Variants in HDAC9 observed in about 807,000 individuals in gnomAD.
HDAC9 encodes MEF-2 interacting transcription repressor (MITR) protein.
In HDAC9, 41 loss-of-function variants were observed where a neutral mutation model predicts 139.4. The observed-to-expected ratio is 0.29, with a 90% confidence interval of 0.23 to 0.38. The LOEUF (loss-of-function observed/expected upper bound fraction) is 0.38. Among genes scored for constraint, HDAC9 ranks in the 10% least tolerant of loss-of-function variants. The pLI is 1.00. For missense variants in HDAC9, 1,147 were observed against 1,297.0 expected (o/e 0.88, Z 1.78); for synonymous variants, 517 against 476.2 (o/e 1.09, Z -1.12).
chr7:18,641,533 A>G (rs1163345461), intron 8 of HDAC9, among the ~76,000 whole-genome samples: 1 of 152,258 alleles, frequency 6.6e-6, no homozygotes, highest in East Asian at 1.9e-4. Context: ...TGAAGGTTAA[A>G]CAATAGCCAT....
chr7:18,743,016 T>C (rs962551203), intron 13 of HDAC9, among the ~76,000 whole-genome samples: 6 of 152,230 alleles, frequency 3.9e-5, no homozygotes, highest in Admixed American at 1.3e-4. Context: ...TCATGTTCAC[T>C]GAACGAAGCA....
chr7:18,554,387 G>A (rs1353584219), intron 2 of HDAC9, among the ~76,000 whole-genome samples: 3 of 127,708 alleles, frequency 2.3e-5, no homozygotes, highest in Admixed American at 9.7e-5. Context: ...CCAGGCTGGC[G>A]TGCAGTGGCG....
chr7:18,300,505 GTC>G (rs1483132406), intron 1 of HDAC9, among the ~76,000 whole-genome samples: 1 of 151,406 alleles, frequency 6.6e-6, no homozygotes, highest in Non-Finnish European at 1.5e-5. Context: ...ATAATGCCTA[GTC>G]TCTGCATATA....
At chr7:18,238,621 G>T (rs1793984106) in intron 2 of HDAC9, among the ~76,000 whole-genome samples, 3 of 152,150 alleles carry the variant, frequency 2.0e-5, no homozygotes, top group Admixed American at 2.0e-4. Flanking sequence ...TTTAGATTCA[G>T]TCATCTTCAC....
chr7:18,843,266 C>A (rs1466147941), intron 21 of HDAC9, among the ~76,000 whole-genome samples: 1 of 152,078 alleles, frequency 6.6e-6, no homozygotes, highest in African/African-American at 2.4e-5. Flanking sequence ...TAACCCTTGC[C>A]TGCACAAAAT....
chr7:18,985,488 G>C (rs1429153375), intron 25 of HDAC9, among the ~76,000 whole-genome samples: 1 of 152,128 alleles, frequency 6.6e-6, no homozygotes, highest in Non-Finnish European at 1.5e-5. Flanking sequence ...ATTTGGGTTG[G>C]TTCCAAGTCT....
chr7:18,741,186 A>G (rs531423245), intron 13 of HDAC9, among the ~76,000 whole-genome samples: 5 of 152,354 alleles, frequency 3.3e-5, no homozygotes, highest in Admixed American at 3.3e-4. Flanking sequence ...TTCGTTGTAG[A>G]TGAAAGAGCC....
At chr7:18,684,077 CA>C (rs950846557) in intron 12 of HDAC9, among the ~76,000 whole-genome samples, 2 of 147,386 alleles carry the variant, frequency 1.4e-5, no homozygotes, top group Non-Finnish European at 3.0e-5. Context: ...AGTAGCATGG[CA>C]AAATCCCATC....
chr7:18,516,369 G>A (rs142750765), intron 2 of HDAC9, among the ~76,000 whole-genome samples: 44 of 152,286 alleles, frequency 2.9e-4, no homozygotes, highest in African/African-American at 8.2e-4. Context: ...AATCACTTGA[G>A]TCTTTGGTAT....
At chr7:18,315,331 C>T (rs754270310) in intron 1 of HDAC9, among the ~76,000 whole-genome samples, 1 of 152,046 alleles carries the variant, frequency 6.6e-6, no homozygotes, top group African/African-American at 2.4e-5. Context: ...ATGTTATGAT[C>T]GTCCCTTTAG....
intron 1 of HDAC9, among the ~76,000 whole-genome samples, chr7:18,336,931 A>G (rs1781627252): frequency 1.3e-5 from 2 of 151,652 alleles, no homozygotes; most frequent in African/African-American, 4.8e-5. Flanking sequence ...GATATATTTT[A>G]TAATTACCAA....
chr7:18,484,883 T>G (rs1246404174), intron 1 of HDAC9, among the ~76,000 whole-genome samples: 1 of 150,344 alleles, frequency 6.7e-6, no homozygotes, highest in Non-Finnish European at 1.5e-5. Flanking sequence ...ACGTAAAAAA[T>G]TTTAGTTCAT....
At chr7:18,331,163 A>G (rs570799958) in intron 1 of HDAC9, among the ~76,000 whole-genome samples, 1 of 151,778 alleles carries the variant, frequency 6.6e-6, no homozygotes, top group East Asian at 1.9e-4. Context: ...AGAGCCTCTT[A>G]GCTTTTGTTT....
At chr7:18,454,620 A>T (rs1187638203) in intron 1 of HDAC9, among the ~76,000 whole-genome samples, 1 of 152,002 alleles carries the variant, frequency 6.6e-6, no homozygotes, top group Non-Finnish European at 1.5e-5. Context: ...AATAAAATTT[A>T]TTTATTTACT....
chr7:18,265,982 G>T (rs1273582549), intron 2 of HDAC9, among the ~76,000 whole-genome samples: 1 of 152,110 alleles, frequency 6.6e-6, no homozygotes, highest in African/African-American at 2.4e-5. Flanking sequence ...CAATGTAGAA[G>T]CTGACACCAT....
intron 1 of HDAC9, among the ~76,000 whole-genome samples, chr7:18,462,459 A>C (rs529385704): frequency 6.6e-6 from 1 of 152,018 alleles, no homozygotes; most frequent in Non-Finnish European, 1.5e-5. Context: ...CTAGTTCTTA[A>C]CCCCCAGATG....
At chr7:18,286,683 G>A (rs1797475452), upstream of HDAC9, among the ~76,000 whole-genome samples, 1 of 151,912 alleles carries the variant, frequency 6.6e-6, no homozygotes, top group Admixed American at 6.6e-5. Flanking sequence ...AGCCTTAGAG[G>A]AAGTTAATAA....
chr7:18,392,053 G>T (rs879419066), intron 1 of HDAC9, among the ~76,000 whole-genome samples: 2 of 152,034 alleles, frequency 1.3e-5, no homozygotes, highest in Non-Finnish European at 1.5e-5. Context: ...CTTTAATGAG[G>T]TGAGCAAGAC....
chr7:18,934,388 A>G (rs1322914979), intron 22 of HDAC9, among the ~76,000 whole-genome samples: 2 of 152,024 alleles, frequency 1.3e-5, no homozygotes, highest in Admixed American at 1.3e-4. Flanking sequence ...AAAAATCTTA[A>G]AGCATTAGCA....
Sources: gnomAD v4.1 joint callset for allele counts (sites outside exome capture counted in the v4.1 genomes callset) on GRCh38, gnomAD v4.1.1 for gene constraint, MANE v1.5 for transcripts, NCBI Gene and HGNC (gene_info 2026-07-23, HGNC 2026-07-21) for gene names.